Variants in AGPAT4 observed in about 807,000 individuals in gnomAD.
AGPAT4 encodes the protein 1-acylglycerol-3-phosphate O-acyltransferase 4.
Under a neutral mutation model 48.0 loss-of-function variants are expected in AGPAT4, and 15 were observed. The observed-to-expected ratio is 0.31, with a 90% confidence interval of 0.21 to 0.48. The LOEUF is 0.48. AGPAT4 is among the 20% of genes least tolerant of loss of function. The probability of loss-of-function intolerance (pLI) is 0.99; values close to 1 mark genes in which losing one functional copy is unlikely to be tolerated. For missense variants in AGPAT4, 314 were observed against 482.5 expected (o/e 0.65, Z 3.27); for synonymous variants, 178 against 198.7 (o/e 0.90, Z 0.88).
Position 161,159,610 on chromosome 6 carries a change from CGT to C in AGPAT4, c.349-5302_349-5301del, listed in dbSNP as rs143847482. Among the ~76,000 whole-genome samples, 7 of 151,796 alleles carry C rather than the reference CGT, an allele frequency of 4.6e-5. No individual in the cohort carries two copies. Among genetic ancestry groups the C allele is most frequent in the South Asian group, 4.2e-4 (2 of 4,804 alleles). ...ATGAATCAGTTTGTGTGCACGCGTGCGTGTGTGTGTGTGTTCATCAAAAGGTG... is the reference window on the plus strand; with the variant it reads ...ATGAATCAGTTTGTGTGCACGCGTGCGTGTGTGTGTGTTCATCAAAAGGTG... On this transcript the variant is annotated intron_variant, in intron 3 of 8. Transcript: ENST00000320285. This position sits in a 1 kb window ranked among gnomAD's most constrained non-coding sequence, Gnocchi z 4.1.
In AGPAT4 at chr6:161,219,874, G is replaced by GATAGATAGATA. The variant is rs1562343648; in HGVS notation, c.178+12161_178+12162insTATCTATCTAT. The stretch of plus-strand genomic sequence containing the variant: ...AGATAGATAGATAGATAGATAGATA[G>GATAGATAGATA]GCAGGCAGGCAGGCAGGCAGGCAGG... On this transcript the variant is annotated intron_variant, in intron 2 of 8. Coordinates refer to ENST00000320285, the MANE Select transcript of AGPAT4 (RefSeq NM_020133.3). This position sits in a 1 kb window ranked among gnomAD's most constrained non-coding sequence, Gnocchi z 4.9. 8.7e-6 allele frequency among the ~76,000 whole-genome samples: 1 copy of GATAGATAGATA among 114,410 alleles called. No individual in the cohort carries two copies. The highest frequency in any genetic ancestry group is 1.9e-5 in the Non-Finnish European group (1 of 52,716). The allele number at this position is 114,410 out of a possible 152,430, so 75.1% of individuals were successfully genotyped here. A position where few individuals can be genotyped will look rare whatever the true frequency, so the allele number is the denominator to read the frequency against.
intron 3 of AGPAT4, among the ~76,000 whole-genome samples, chr6:161,156,675 G>C (rs2114969434): frequency 6.6e-6 from 1 of 152,296 alleles, no homozygotes; most frequent in African/African-American, 2.4e-5. Flanking sequence ...GCCATAAACT[G>C]GCCCCAAAAC....
intron 1 of AGPAT4, among the ~76,000 whole-genome samples, chr6:161,252,676 G>A (rs888783258): frequency 1.3e-5 from 2 of 151,034 alleles, no homozygotes; most frequent in African/African-American, 4.9e-5. Context: ...TGGTCATGGT[G>A]GTGCACATCT....
chr6:161,194,309 A>C (rs904014422), intron 2 of AGPAT4, among the ~76,000 whole-genome samples: 2 of 152,162 alleles, frequency 1.3e-5, no homozygotes, highest in Admixed American at 6.5e-5. Flanking sequence ...TTCTCATTGT[A>C]ATTTGGACGC....
At chr6:161,151,855 G>A (rs1779600231) in intron 5 of AGPAT4, among the ~76,000 whole-genome samples, 1 of 152,196 alleles carries the variant, frequency 6.6e-6, no homozygotes, top group Non-Finnish European at 1.5e-5. Flanking sequence ...AGCAATGGGG[G>A]CATCCTTGGC....
At position 161,244,185 on chromosome 6, in the gene AGPAT4, C is replaced by T. The variant is rs573231572; in HGVS notation, c.-89-11883G>A. Among the ~76,000 whole-genome samples the T allele has an allele frequency of 5.5e-4, 84 of 152,256 alleles. No individual in the cohort carries two copies. The highest frequency in any genetic ancestry group is 2.8e-4 in the Non-Finnish European group (19 of 68,026). ...AAACAGACATACAGCGAGGAGCTGA[C>T]GACACAATTCTAACAAATACAGAAG... On this transcript the variant is annotated intron_variant, in intron 1 of 8. Coordinates refer to ENST00000320285, the MANE Select transcript of AGPAT4 (RefSeq NM_020133.3). The surrounding 1 kb of genome is among the most constrained non-coding windows in gnomAD (Gnocchi z 4.7).
rs1042041716 is a variant in AGPAT4 at position 161,159,737 on chromosome 6, G to A, written c.349-5427C>T. ...CAGCTCACTGCAATCTCTGCCTCCC[G>A]GGTTCAAGCGATTCTCCTGCCTCAG... is the stretch of plus-strand genomic sequence containing the variant. On this transcript the variant is annotated intron_variant, in intron 3 of 8. Coordinates refer to ENST00000320285, the MANE Select transcript of AGPAT4 (RefSeq NM_020133.3). This position sits in a 1 kb window ranked among gnomAD's most constrained non-coding sequence, Gnocchi z 4.1. Among the ~76,000 whole-genome samples the A allele has an allele frequency of 1.2e-4, 18 of 151,986 alleles. No homozygotes were observed. Among genetic ancestry groups the A allele is most frequent in the Admixed American group, 3.3e-4 (5 of 15,270 alleles).
At chr6:161,271,175 C>G (rs1047215399) in intron 1 of AGPAT4, among the ~76,000 whole-genome samples, 3 of 152,172 alleles carry the variant, frequency 2.0e-5, no homozygotes, top group East Asian at 1.9e-4. Context: ...TACTTCTATA[C>G]TAAAGACTGA....
In AGPAT4 at chr6:161,144,992, A is replaced by AAT. The variant is rs1779375791; in HGVS notation, c.843+1531_843+1532insAT. On this transcript the variant is annotated intron_variant, in intron 7 of 8. Transcript: ENST00000320285. This position sits in a 1 kb window ranked among gnomAD's most constrained non-coding sequence, Gnocchi z 6.6. ...TGAAACTCAGTCTCAAAAAAAAAAA[A>AAT]TAAAAAAAGTAACATTTTATATGCT... Among the ~76,000 whole-genome samples, 1 of 151,418 alleles carries AAT rather than the reference A, an allele frequency of 6.6e-6. No homozygotes were observed. The highest frequency in any genetic ancestry group is 2.5e-5 in the African/African-American group (1 of 40,706).
chr6:161,265,505 G>A (rs1350444387), intron 1 of AGPAT4, among the ~76,000 whole-genome samples: 1 of 151,920 alleles, frequency 6.6e-6, no homozygotes, highest in Non-Finnish European at 1.5e-5. Context: ...AGTACCCACT[G>A]CTGGACTGGG....
Position 161,201,838 on chromosome 6 carries a change from A to G in AGPAT4, c.178+30198T>C, listed in dbSNP as rs1781247829. Among the ~76,000 whole-genome samples the G allele has an allele frequency of 6.6e-6, 1 of 152,240 alleles. No homozygotes were observed. The highest frequency in any genetic ancestry group is 6.5e-5 in the Admixed American group (1 of 15,292). On this transcript the variant is annotated intron_variant, in intron 2 of 8. Transcript: ENST00000320285. The surrounding 1 kb of genome is among the most constrained non-coding windows in gnomAD (Gnocchi z 6.0). Reference sequence around the variant, plus strand: ...GGAAGTCCCATTTCACAGACAATTAACTGTACTTTGACAACCATTCACCCG... The same window carrying G: ...GGAAGTCCCATTTCACAGACAATTAGCTGTACTTTGACAACCATTCACCCG...
Position 161,153,405 on chromosome 6 carries a change from T to C in AGPAT4, c.605A>G (p.His202Arg). 1 of 1,611,582 alleles carries C rather than the reference T, an allele frequency of 6.2e-7. No homozygotes were observed. Residue 202 changes from histidine to arginine, a missense_variant, in exon 5 of 9, where the codon CAT becomes CGT. Physicochemically the swap from His to Arg is conservative, Grantham distance 29. Transcript: ENST00000320285. ...GCCCTTGGTTCGTGGCAACAGGTGA[T>C]GCTTGAGGCGAGGCAGCCCCTTGGC... ...ARAKGLPRLK[H>R]HLLPRTKGFA...
rs1192620575 is a variant in AGPAT4 at position 161,262,000 on chromosome 6, G to C, written c.-90+11938C>G. Among the ~76,000 whole-genome samples, 5 of 152,134 alleles carry C rather than the reference G, an allele frequency of 3.3e-5. No individual in the cohort carries two copies. Among genetic ancestry groups the C allele is most frequent in the African/African-American group, 1.2e-4 (5 of 41,436 alleles). On this transcript the variant is annotated intron_variant, in intron 1 of 8. Coordinates refer to ENST00000320285, the MANE Select transcript of AGPAT4 (RefSeq NM_020133.3). The surrounding 1 kb of genome is among the most constrained non-coding windows in gnomAD (Gnocchi z 5.3). ...GGAGATAAGAAGAGTTCCTAGTCGA[G>C]GGCTGGTGGTGAGGATTATCCGTAG...
Position 161,274,015 on chromosome 6 carries a change from A to G in AGPAT4, c.-167T>C, listed in dbSNP as rs1783522818. The G allele has an allele frequency of 6.6e-6, 1 of 151,716 alleles. No individual in the cohort carries two copies. Among genetic ancestry groups the G allele is most frequent in the Non-Finnish European group, 1.5e-5 (1 of 67,984 alleles). 9.4% of individuals were successfully genotyped at this position (151,716 alleles called of 1,614,324 possible). A position where few individuals can be genotyped will look rare whatever the true frequency, so the allele number is the denominator to read the frequency against. On this transcript the variant is annotated 5_prime_UTR_variant, in exon 1 of 9. Coordinates refer to ENST00000320285, the MANE Select transcript of AGPAT4 (RefSeq NM_020133.3). The surrounding 1 kb of genome is among the most constrained non-coding windows in gnomAD (Gnocchi z 4.5). The stretch of plus-strand genomic sequence containing the variant: ...GAGCCGGCTGGGTTCAGAAATTGCC[A>G]CTAGTTTATAAGAGCTGTAAGTCAG...
At position 161,146,415 on chromosome 6, in the gene AGPAT4, G is replaced by T; in HGVS notation, c.843+109C>A. On this transcript the variant is annotated intron_variant, in intron 7 of 8. Transcript: ENST00000320285. This position sits in a 1 kb window ranked among gnomAD's most constrained non-coding sequence, Gnocchi z 7.1. ...TCAGCTCCAGACTCACTAATAACTG[G>T]CTCTGTGAGATCTCGCCCACCGGAG... 1.0e-6 allele frequency: 1 copy of T among 983,276 alleles called. No individual in the cohort carries two copies. Among genetic ancestry groups the T allele is most frequent in the South Asian group, 1.4e-5 (1 of 69,912 alleles). 60.9% of individuals were successfully genotyped at this position (983,276 alleles called of 1,614,324 possible).
chr6:161,219,034 T>C lies in AGPAT4; in HGVS notation c.178+13002A>G, dbSNP rs1781730901. ...CCAGAGAAGGGAGTTCTCAAAATGT[T>C]TGACAATGCCTCAGATCCCATCTGG... On this transcript the variant is annotated intron_variant, in intron 2 of 8. Transcript: ENST00000320285. The surrounding 1 kb of genome is among the most constrained non-coding windows in gnomAD (Gnocchi z 4.9). 6.6e-6 allele frequency among the ~76,000 whole-genome samples: 1 copy of C among 152,224 alleles called. No individual in the cohort carries two copies. Among genetic ancestry groups the C allele is most frequent in the African/African-American group, 2.4e-5 (1 of 41,458 alleles).
In AGPAT4 at chr6:161,235,293, G is replaced by A. The variant is rs1782242567; in HGVS notation, c.-89-2991C>T. On this transcript the variant is annotated intron_variant, in intron 1 of 8. Coordinates refer to ENST00000320285, the MANE Select transcript of AGPAT4 (RefSeq NM_020133.3). This position sits in a 1 kb window ranked among gnomAD's most constrained non-coding sequence, Gnocchi z 6.2. ...TGCTTTTTAATTTCGTGAAACTTAG[G>A]CGGATTCTCAAATTTATATGCAAAC... Among the ~76,000 whole-genome samples, 1 of 152,170 alleles carries A rather than the reference G, an allele frequency of 6.6e-6. No homozygotes were observed. The highest frequency in any genetic ancestry group is 2.4e-5 in the African/African-American group (1 of 41,412).
chr6:161,190,085 T>C (rs568519535), intron 2 of AGPAT4, among the ~76,000 whole-genome samples: 36 of 152,132 alleles, frequency 2.4e-4, no homozygotes, highest in Non-Finnish European at 4.7e-4. Context: ...AGATGAGCTG[T>C]ATCTGAAGTG....
chr6:161,185,868 CT>C (rs922304466), intron 2 of AGPAT4, among the ~76,000 whole-genome samples: 26 of 152,104 alleles, frequency 1.7e-4, no homozygotes, highest in Non-Finnish European at 3.2e-4. Flanking sequence ...CCTGGATTTT[CT>C]TTTTTTTAAT....
Sources: allele counts gnomAD v4.1 joint callset (sites outside exome capture counted in the v4.1 genomes callset), GRCh38; gene constraint gnomAD v4.1.1; non-coding constraint Gnocchi (gnomAD v3.1); transcripts MANE v1.5; gene names NCBI Gene and HGNC (gene_info 2026-07-23, HGNC 2026-07-21).